Variants in PLD1 observed in about 807,000 individuals in gnomAD.
The protein encoded by PLD1 is choline phosphatase 1.
PLD1 carries 112 observed loss-of-function variants against 137.1 expected under a neutral mutation model. The ratio of observed to expected loss-of-function variants is 0.82; its 90% CI spans 0.70 to 0.96. PLD1 has a LOEUF of 0.96. Among genes scored for constraint, PLD1 ranks in the 40% least tolerant of loss-of-function variants. The probability of loss-of-function intolerance (pLI) is 0.00; values close to 1 mark genes in which losing one functional copy is unlikely to be tolerated. For synonymous variants in PLD1, 431 were observed against 454.7 expected, an observed-to-expected ratio of 0.95 and a Z score of 0.66; for missense variants, 1,321 against 1,342.0, an observed-to-expected ratio of 0.98 and a Z score of 0.24.
chr3:171,674,776 G>C (rs1413133053), intron 18 of PLD1, among the ~76,000 whole-genome samples, 163 bp from the exon 19 acceptor site: 2 of 151,910 alleles, frequency 1.3e-5, no homozygotes, highest in Non-Finnish European at 2.9e-5. Context: ...TCAGGAGTTC[G>C]AGATCAGCCT....
intron 13 of PLD1, among the ~76,000 whole-genome samples, chr3:171,689,782 A>G (rs4894493): frequency 0.52 from 78,610 of 151,874 alleles, 21,632 homozygotes; most frequent in African/African-American, 0.72. Context: ...GACTACATGC[A>G]TGAGCCACCA....
intron 23 of PLD1, among the ~76,000 whole-genome samples, chr3:171,633,455 G>A (rs138029814): frequency 1.1e-4 from 16 of 152,152 alleles, no homozygotes; most frequent in Non-Finnish European, 1.6e-4. Context: ...TGTGAACATT[G>A]GTGTGTGCAT....
At chr3:171,741,469 G>A (rs1206640153) in intron 1 of PLD1, among the ~76,000 whole-genome samples, 1 of 152,172 alleles carries the variant, frequency 6.6e-6, no homozygotes, top group Non-Finnish European at 1.5e-5. Context: ...AATAGGGGGT[G>A]AGCAGCTGCC....
At chr3:171,656,562 C>T (rs1737218817) in intron 21 of PLD1, among the ~76,000 whole-genome samples, 1 of 152,252 alleles carries the variant, frequency 6.6e-6, no homozygotes, top group Non-Finnish European at 1.5e-5. Context: ...CTTAAAAACA[C>T]ATCTTTGGAA....
At chr3:171,695,621 T>C (rs1715615316) in intron 12 of PLD1, among the ~76,000 whole-genome samples, 1 of 152,212 alleles carries the variant, frequency 6.6e-6, no homozygotes. Flanking sequence ...ATTTTTATAG[T>C]GGAAATCAGT....
At chr3:171,629,366 T>C (rs1227889675) in intron 23 of PLD1, among the ~76,000 whole-genome samples, 2 of 152,012 alleles carry the variant, frequency 1.3e-5, no homozygotes, top group South Asian at 2.1e-4. Flanking sequence ...TAAAAGAGGA[T>C]ACAAAGAAAT....
At position 171,731,985 on chromosome 3, in the gene PLD1, T is replaced by C. The variant is rs76681840; in HGVS notation, c.606+1459A>G. ...TTAGTCAACAGTAGAATCCCAAATG[T>C]AGAAAAGTACATGAAAAGAGAAGAA... is the stretch of plus-strand genomic sequence containing the variant. On this transcript the variant is annotated intron_variant, in intron 6 of 26. Transcript: ENST00000351298. Among the ~76,000 whole-genome samples the C allele has an allele frequency of 4.4e-3, 671 of 152,192 alleles. 2 individuals are homozygous for C. The highest frequency in any genetic ancestry group is 0.016 in the African/African-American group (644 of 41,518).
At chr3:171,764,888 AAAGAAAGG>A (rs1451355399) in intron 1 of PLD1, among the ~76,000 whole-genome samples, 110 of 21,186 alleles carry the variant, frequency 5.2e-3, no homozygotes, top group African/African-American at 0.015. Context: ...AGAAAGAAAG[AAAGAAAGG>A]AAGGAAGGAA....
chr3:171,748,498 G>A (rs1483996864), intron 1 of PLD1, among the ~76,000 whole-genome samples: 1 of 152,130 alleles, frequency 6.6e-6, no homozygotes, highest in Non-Finnish European at 1.5e-5. Context: ...AGTACAGAGA[G>A]TGTTTTCAAT....
chr3:171,699,808 G>C lies in PLD1; in HGVS notation c.1164C>G (p.Phe388Leu), dbSNP rs148128456. The C allele has an allele frequency of 6.2e-7, 1 of 1,613,686 alleles. No individual in the cohort carries two copies. Among genetic ancestry groups the C allele is most frequent in the Non-Finnish European group, 8.5e-7 (1 of 1,179,654 alleles). ...ITDWWLSPEIFLKRPVVEGNR... is the reference protein window; with the variant it reads ...ITDWWLSPEILLKRPVVEGNR... Reference sequence around the variant, plus strand: ...TTCCCTCAACCACTGGGCGTTTCAGGAAGATTTCTGGACTCAGCCTGAAAC... The same window carrying C: ...TTCCCTCAACCACTGGGCGTTTCAGCAAGATTTCTGGACTCAGCCTGAAAC... Residue 388 changes from phenylalanine (F) to leucine (L), a missense_variant, in exon 12 of 27, where the codon TTC (phenylalanine) becomes TTG (leucine). Physicochemically the swap from Phe to Leu is conservative, Grantham distance 22 (BLOSUM62 0). Coordinates refer to ENST00000351298, the MANE Select transcript of PLD1 (RefSeq NM_002662.5).
At chr3:171,710,869 G>GTTTTTTTT (rs1281179100) in intron 9 of PLD1, among the ~76,000 whole-genome samples, 61 of 98,648 alleles carry the variant, frequency 6.2e-4, no homozygotes, top group African/African-American at 2.6e-3. Context: ...TAGGAAAACT[G>GTTTTTTTT]TTCTTTTTTT....
chr3:171,723,272 C>T (rs1055445989), intron 8 of PLD1, among the ~76,000 whole-genome samples: 2 of 152,114 alleles, frequency 1.3e-5, no homozygotes, highest in African/African-American at 4.8e-5. Flanking sequence ...AACATAATGA[C>T]CTCTAGATCC....
intron 19 of PLD1, among the ~76,000 whole-genome samples, chr3:171,665,121 A>C (rs762366967): frequency 5.9e-5 from 9 of 152,222 alleles, no homozygotes; most frequent in Non-Finnish European, 1.3e-4. Flanking sequence ...ATAAGATTCA[A>C]TAAATTCATT....
intron 25 of PLD1, 62 bp from the exon 26 acceptor site, chr3:171,605,478 T>G (rs1732133924): frequency 3.4e-6 from 3 of 894,790 alleles, no homozygotes; most frequent in African/African-American, 3.3e-5. Flanking sequence ...GCAGGATATA[T>G]GTCTATTATA....
At chr3:171,670,012 A>G (rs931556855) in intron 19 of PLD1, among the ~76,000 whole-genome samples, 2 of 152,242 alleles carry the variant, frequency 1.3e-5, no homozygotes, top group Admixed American at 6.5e-5. Flanking sequence ...AAGTTACATT[A>G]TGAACAGTCA....
intron 1 of PLD1, among the ~76,000 whole-genome samples, chr3:171,754,925 C>T (rs1226759507): frequency 1.3e-5 from 2 of 152,188 alleles, no homozygotes. Context: ...CCTTGAGACT[C>T]AGCTACTACT....
intron 12 of PLD1, among the ~76,000 whole-genome samples, chr3:171,695,908 T>C (rs1157547527): frequency 1.3e-5 from 2 of 152,248 alleles, no homozygotes; most frequent in African/African-American, 2.4e-5. Context: ...CAAAAGCTCA[T>C]GTGCCTTTTT....
In PLD1 at chr3:171,699,834, A is replaced by C; in HGVS notation, c.1146-8T>G. On this transcript the variant is annotated splice_polypyrimidine_tract_variant and splice_region_variant and intron_variant, in intron 11 of 26. Transcript: ENST00000351298. The stretch of plus-strand genomic sequence containing the variant: ...AAGATTTCTGGACTCAGCCTGAAAC[A>C]ATGAAACCAAGATTTTAAGTAACTA... 6.2e-7 allele frequency: 1 copy of C among 1,607,846 alleles called. No individual in the cohort carries two copies.
At chr3:171,629,744 G>C (rs1484401420) in intron 23 of PLD1, among the ~76,000 whole-genome samples, 21 of 151,984 alleles carry the variant, frequency 1.4e-4, no homozygotes, top group Admixed American at 3.9e-4. Context: ...ACAAACCTGA[G>C]AAAAACAAGC....
Sources: gnomAD v4.1 joint callset for allele counts (sites outside exome capture counted in the v4.1 genomes callset) on GRCh38, gnomAD v4.1.1 for gene constraint, MANE v1.5 for transcripts, NCBI Gene and HGNC (gene_info 2026-07-23, HGNC 2026-07-21) for gene names.